SLC9A4: variants seen among roughly 807,000 people sequenced by gnomAD.
The protein encoded by SLC9A4 is solute carrier family 9 member A4.
A neutral mutation model predicts 67.4 loss-of-function variants in SLC9A4; 63 were observed. That is an observed-to-expected ratio of 0.93 (90% CI 0.76 to 1.15). SLC9A4 has a LOEUF of 1.15. Among genes scored for constraint, SLC9A4 ranks in the 50% most tolerant of loss-of-function variants. The pLI, the probability that SLC9A4 is intolerant of heterozygous loss-of-function variation, is 0.00. For synonymous variants in SLC9A4, 393 were observed against 367.2 expected (o/e 1.07, Z -0.80); for missense variants, 1,089 against 987.7 (o/e 1.10, Z -1.38).
Position 102,482,009 on chromosome 2 carries a change from G to A in SLC9A4, c.720+2707G>A, listed in dbSNP as rs558095761. Among the ~76,000 whole-genome samples, 35 of 152,222 alleles carry A rather than the reference G, an allele frequency of 2.3e-4. No individual in the cohort carries two copies. In the South Asian group the frequency reaches 6.6e-3, roughly 29 times the overall value. ...TAAGCGAAGGAGGCCCATACATGAA[G>A]CCGGACGTCAAATCATTTATTCATA... On this transcript the variant is annotated intron_variant, in intron 2 of 11. Coordinates refer to ENST00000295269, the MANE Select transcript of SLC9A4 (RefSeq NM_001011552.4).
At chr2:102,502,652 G>C (rs1033914118) in intron 2 of SLC9A4, among the ~76,000 whole-genome samples, 2 of 152,176 alleles carry the variant, frequency 1.3e-5, no homozygotes, top group African/African-American at 4.8e-5. Context: ...GACTGGAGTT[G>C]GTCTGGAGTT....
At chr2:102,497,838 G>GA (rs1003213428) in intron 2 of SLC9A4, among the ~76,000 whole-genome samples, 4 of 151,900 alleles carry the variant, frequency 2.6e-5, no homozygotes, top group African/African-American at 4.8e-5. Flanking sequence ...AAGTTAACAA[G>GA]AAAAAAAATG....
At chr2:102,482,469 C>G (rs1684486852) in intron 2 of SLC9A4, among the ~76,000 whole-genome samples, 1 of 152,134 alleles carries the variant, frequency 6.6e-6, no homozygotes, top group Non-Finnish European at 1.5e-5. Context: ...TCTCTGAGAT[C>G]CCCTTTCCCC....
intron 4 of SLC9A4, among the ~76,000 whole-genome samples, chr2:102,506,897 G>A (rs1031941020): frequency 6.6e-6 from 1 of 152,094 alleles, no homozygotes; most frequent in African/African-American, 2.4e-5. Flanking sequence ...TGACAAAATT[G>A]GCCACATCAC....
Position 102,479,109 on chromosome 2 carries a change from C to T in SLC9A4, c.527C>T (p.Ser176Phe). The T allele has an allele frequency of 1.9e-6, 3 of 1,614,166 alleles. No homozygotes were observed. Among genetic ancestry groups the T allele is most frequent in the Non-Finnish European group, 2.5e-6 (3 of 1,180,014 alleles). The change falls in exon 2 of 12, where the codon TCC becomes TTC. Residue 176 changes from serine (S) to phenylalanine (F), a missense_variant. By Grantham distance (155) the Ser-to-Phe change is radical. Transcript: ENST00000295269. ...ALINALGIGL[S>F]LYLICQVKAF... ...ATCAACGCCTTGGGCATTGGCCTCT[C>T]CCTCTACCTCATCTGCCAGGTGAAG...
chr2:102,501,288 A>AT (rs113535579), intron 2 of SLC9A4, among the ~76,000 whole-genome samples: 107,315 of 151,630 alleles, frequency 0.71, 38,687 homozygotes, highest in Middle Eastern at 0.77. Flanking sequence ...TGGCTGGCTA[A>AT]ATTTTGTATT....
intron 2 of SLC9A4, among the ~76,000 whole-genome samples, chr2:102,497,313 C>T (rs1684830707): frequency 6.6e-6 from 1 of 151,788 alleles, no homozygotes. Flanking sequence ...CATTGTACTC[C>T]TAGGTATATA....
At chr2:102,485,753 C>T (rs952980737) in intron 2 of SLC9A4, among the ~76,000 whole-genome samples, 4 of 152,198 alleles carry the variant, frequency 2.6e-5, no homozygotes, top group Admixed American at 6.5e-5. Context: ...GCCTGCTGCC[C>T]AGGTCTCTGT....
chr2:102,493,644 G>A (rs185684978), intron 2 of SLC9A4, among the ~76,000 whole-genome samples: 2 of 151,638 alleles, frequency 1.3e-5, no homozygotes. Context: ...GATTTGGGTG[G>A]GGACACAGCC....
intron 4 of SLC9A4, among the ~76,000 whole-genome samples, chr2:102,507,831 A>G (rs1443632440): frequency 6.6e-6 from 1 of 152,198 alleles, no homozygotes; most frequent in African/African-American, 2.4e-5. Flanking sequence ...AAACACATAA[A>G]TGCAGGCACA....
chr2:102,527,438 TG>T (rs1674688440), intron 11 of SLC9A4, among the ~76,000 whole-genome samples: 2 of 152,214 alleles, frequency 1.3e-5, no homozygotes, highest in Non-Finnish European at 1.5e-5. Flanking sequence ...AATAATTATA[TG>T]CATGTACCAA....
chr2:102,519,123 C>T (rs1685340411), intron 8 of SLC9A4, among the ~76,000 whole-genome samples: 1 of 152,198 alleles, frequency 6.6e-6, no homozygotes, highest in South Asian at 2.1e-4. Context: ...GCATTGACTA[C>T]TAACCTGGGC....
chr2:102,503,735 A>C (rs376322128), intron 3 of SLC9A4, 28 bp downstream of exon 3: 172 of 1,607,450 alleles, frequency 1.1e-4, no homozygotes, highest in Non-Finnish European at 1.3e-4. Flanking sequence ...ATCAAGTCAC[A>C]TAGTAATAGA....
rs138400778 is a variant in SLC9A4, at chr2:102,473,618, C to T, written c.-142C>T. 5.9e-4 allele frequency: 599 copies of T among 1,014,354 alleles called. 5 individuals carry two copies. In the East Asian group the frequency reaches 0.014, roughly 25 times the overall value. The allele number at this position is 1,014,354 out of a possible 1,614,324, so 62.8% of individuals were successfully genotyped here. A position where few individuals can be genotyped will look rare whatever the true frequency, so the allele number is the denominator to read the frequency against. On this transcript the variant is annotated 5_prime_UTR_variant, in exon 1 of 12. Transcript: ENST00000295269. ...TACATACAGAGCTCAATAACACACT[C>T]GGAATCTTCTTGGGAGGACCCACAG...
chr2:102,488,886 G>A (rs184777564), intron 2 of SLC9A4, among the ~76,000 whole-genome samples: 18 of 152,260 alleles, frequency 1.2e-4, no homozygotes, highest in African/African-American at 2.4e-4. Flanking sequence ...AAGTTCAGTC[G>A]TGTCTGGTGG....
At chr2:102,489,927 A>C (rs1684662369) in intron 2 of SLC9A4, among the ~76,000 whole-genome samples, 2 of 152,212 alleles carry the variant, frequency 1.3e-5, no homozygotes, top group Admixed American at 1.3e-4. Context: ...AGAGTTTACT[A>C]TGCCAGAGCT....
chr2:102,492,971 C>A (rs1684734675), intron 2 of SLC9A4, among the ~76,000 whole-genome samples: 1 of 152,200 alleles, frequency 6.6e-6, no homozygotes, highest in Admixed American at 6.5e-5. Flanking sequence ...TGCTGCCAGT[C>A]TCTTTGTTAA....
intron 2 of SLC9A4, among the ~76,000 whole-genome samples, chr2:102,502,997 C>T (rs955131511): frequency 3.9e-5 from 6 of 152,258 alleles, no homozygotes; most frequent in Non-Finnish European, 7.3e-5. Flanking sequence ...GTGGCTGACT[C>T]TCCCCACAGG....
chr2:102,514,371 AT>A, intron 8 of SLC9A4, 120 bp downstream of exon 8: 1 of 615,610 alleles, frequency 1.6e-6, no homozygotes, highest in Non-Finnish European at 2.6e-6. Context: ...AGAAGAAATT[AT>A]TTTTAAAATA....
Sources: allele counts gnomAD v4.1 joint callset (sites outside exome capture counted in the v4.1 genomes callset), GRCh38; gene constraint gnomAD v4.1.1; transcripts MANE v1.5; gene names NCBI Gene and HGNC (gene_info 2026-07-23, HGNC 2026-07-21).